Variants in GFM1 observed in about 807,000 individuals in gnomAD.
The protein encoded by GFM1 is elongation factor G, mitochondrial.
Under a neutral mutation model 96.2 loss-of-function variants are expected in GFM1, and 62 were observed. The ratio of observed to expected loss-of-function variants is 0.64; its 90% confidence interval spans 0.53 to 0.80. The LOEUF (loss-of-function observed/expected upper bound fraction) is 0.80, where lower values mean the gene tolerates loss of function less well. Ranked by LOEUF, GFM1 falls within the 30% of genes least tolerant of loss-of-function variation. The pLI is 0.00. For missense variants in GFM1, 852 were observed against 916.6 expected (o/e 0.93, Z 0.91); for synonymous variants, 282 against 312.9 (o/e 0.90, Z 1.04).
intron 15 of GFM1, among the ~76,000 whole-genome samples, chr3:158,689,700 G>C (rs1413931937): frequency 2.0e-5 from 3 of 150,182 alleles, no homozygotes; most frequent in Non-Finnish European, 4.4e-5. Context: ...CTGGGAGACA[G>C]AGTTGCATTG....
chr3:158,646,276 A>G lies in GFM1; in HGVS notation c.346A>G (p.Ile116Val). 1 of 1,614,138 alleles carries G rather than the reference A, an allele frequency of 6.2e-7. No homozygotes were observed. Among genetic ancestry groups the G allele is most frequent in the Non-Finnish European group, 8.5e-7 (1 of 1,179,958 alleles). Reference sequence around the variant, plus strand: ...TTACACCATGTGGAAAGATGTCAATATTAACATTATAGATACTCCTGGTGA... The same window carrying G: ...TTACACCATGTGGAAAGATGTCAATGTTAACATTATAGATACTCCTGGTGA... Reference protein sequence around the residue: ...ATYTMWKDVNINIIDTPGHVD... With the variant: ...ATYTMWKDVNVNIIDTPGHVD... The change falls in exon 3 of 18, where the codon ATT becomes GTT. Residue 116 changes from isoleucine to valine, a missense_variant. Ile to Val is a conservative substitution (Grantham distance 29, BLOSUM62 3). Coordinates refer to ENST00000486715, the MANE Select transcript of GFM1 (RefSeq NM_024996.7).
chr3:158,673,508 C>CTTTTTT (rs766011688), intron 13 of GFM1, among the ~76,000 whole-genome samples: 71 of 114,236 alleles, frequency 6.2e-4, no homozygotes, highest in Middle Eastern at 5.2e-3. Context: ...CTTTTCTTTT[C>CTTTTTT]TTTTTTTTTT....
intron 13 of GFM1, among the ~76,000 whole-genome samples, chr3:158,667,906 CAGAT>C (rs954223389): frequency 1.6e-4 from 25 of 152,154 alleles, no homozygotes; most frequent in Admixed American, 1.3e-4. Context: ...AGGGAAAAAA[CAGAT>C]AGTTTCAGTA....
chr3:158,661,033 A>G lies in GFM1; in HGVS notation c.1323+58A>G, dbSNP rs1019991485. On this transcript the variant is annotated intron_variant, in intron 10 of 17. Coordinates refer to ENST00000486715, the MANE Select transcript of GFM1 (RefSeq NM_024996.7). ...TAGAATTTTAAAAGTCTGTGTTTTT[A>G]TGTAGTGCATTTAATACTTCAGAAA... 7 of 1,358,192 alleles carry G rather than the reference A, an allele frequency of 5.2e-6. No homozygotes were observed. In the Admixed American group the frequency reaches 1.2e-4, roughly 23 times the overall value. The allele number at this position is 1,358,192 out of a possible 1,614,324, so 84.1% of individuals were successfully genotyped here. A position where few individuals can be genotyped will look rare whatever the true frequency, so the allele number is the denominator to read the frequency against.
Position 158,684,556 on chromosome 3 carries a change from T to C in GFM1, c.1797T>C (p.Leu599=). The change falls in exon 15 of 18, where the codon CTT becomes CTC. Residue 599 remains leucine (L), a synonymous_variant. Coordinates refer to ENST00000486715, the MANE Select transcript of GFM1 (RefSeq NM_024996.7). ...TAGATGCCTGCGAGAAGGGCCCTCT[T>C]TCTGGTCACAAGCTCTCTGGGCTCC... is the stretch of plus-strand genomic sequence containing the variant. The part of the protein sequence containing the change: ...GFLDACEKGP[L]SGHKLSGLRF... The C allele has an allele frequency of 6.2e-7, 1 of 1,614,094 alleles. No homozygotes were observed. The highest frequency in any genetic ancestry group is 8.5e-7 in the Non-Finnish European group (1 of 1,179,976).
intron 13 of GFM1, chr3:158,672,640 C>G (rs1399504119): frequency 1.4e-5 from 11 of 808,018 alleles, no homozygotes; most frequent in African/African-American, 3.5e-5. Flanking sequence ...ACTCCGGAAG[C>G]TGCTGTTTGG....
chr3:158,669,691 C>T, intron 13 of GFM1: 1 of 1,351,478 alleles, frequency 7.4e-7, no homozygotes, highest in South Asian at 1.3e-5. Flanking sequence ...TGATTTAAAG[C>T]ATAGGCTCCT....
chr3:158,654,061 A>G (rs1032643449), intron 7 of GFM1, among the ~76,000 whole-genome samples: 2 of 151,942 alleles, frequency 1.3e-5, no homozygotes, highest in South Asian at 4.1e-4. Context: ...GGGTGACAGA[A>G]TAAGATTCCA....
At chr3:158,672,336 C>G (rs188844384) in intron 13 of GFM1, 2 of 1,613,240 alleles carry the variant, frequency 1.2e-6, no homozygotes, top group South Asian at 1.1e-5. Flanking sequence ...TCCACCACCC[C>G]CTGCTAAACT....
chr3:158,672,809 G>A, intron 13 of GFM1: 1 of 278,872 alleles, frequency 3.6e-6, no homozygotes, highest in Non-Finnish European at 7.2e-6. Flanking sequence ...TGGGGAGGGA[G>A]TCAGTGGGCT....
At chr3:158,679,965 T>C (rs1303664463) in intron 13 of GFM1, among the ~76,000 whole-genome samples, 1 of 152,162 alleles carries the variant, frequency 6.6e-6, no homozygotes, top group Non-Finnish European at 1.5e-5. Context: ...AAAGTACACA[T>C]ACCAATTTAG....
rs757522855 is a variant in GFM1, at chr3:158,666,374, C to T, written c.1589C>T (p.Thr530Ile). Reference protein sequence around the residue: ...KPKVAFRETITAPVPFDFTHK... With the variant: ...KPKVAFRETIIAPVPFDFTHK... ...AAAGTTGCCTTTCGAGAGACCATTA[C>T]TGCCCCTGTCCCGTAAGTATGCAAC... Residue 530 changes from threonine (T) to isoleucine (I), a missense_variant, in exon 13 of 18, where the codon ACT becomes ATT. Coordinates refer to ENST00000486715, the MANE Select transcript of GFM1 (RefSeq NM_024996.7). 1 of 1,613,024 alleles carries T rather than the reference C, an allele frequency of 6.2e-7. No individual in the cohort carries two copies. The highest frequency in any genetic ancestry group is 1.1e-5 in the South Asian group (1 of 91,058).
chr3:158,676,656 G>A (rs942072253), intron 13 of GFM1, among the ~76,000 whole-genome samples: 1 of 150,584 alleles, frequency 6.6e-6, no homozygotes, highest in African/African-American at 2.4e-5. Flanking sequence ...GAGGGTTTGT[G>A]ATAACCCCAT....
At chr3:158,669,415 C>G in intron 13 of GFM1, 1 of 1,591,016 alleles carries the variant, frequency 6.3e-7, no homozygotes, top group East Asian at 2.2e-5. Context: ...AAATGGTTTT[C>G]ATGCCATATT....
chr3:158,645,033 G>A (rs905195615), intron 1 of GFM1, among the ~76,000 whole-genome samples: 1 of 146,658 alleles, frequency 6.8e-6, no homozygotes, highest in Non-Finnish European at 1.5e-5. Flanking sequence ...GTGCATTTTG[G>A]ATGTGCAGTC....
At chr3:158,668,968 A>G (rs1723988685) in intron 13 of GFM1, 7 of 1,551,376 alleles carry the variant, frequency 4.5e-6, no homozygotes, top group Admixed American at 1.8e-5. Flanking sequence ...TAACCCCATT[A>G]ATAGTGTATT....
At chr3:158,674,472 C>T (rs1446743978) in intron 13 of GFM1, among the ~76,000 whole-genome samples, 1 of 152,108 alleles carries the variant, frequency 6.6e-6, no homozygotes, top group African/African-American at 2.4e-5. Flanking sequence ...CGAACTTACA[C>T]TGTCTCCTGG....
chr3:158,658,157 C>CTTTTTTTTTTT (rs397842738), intron 8 of GFM1, among the ~76,000 whole-genome samples: 9 of 97,358 alleles, frequency 9.2e-5, no homozygotes, highest in Non-Finnish European at 1.3e-4. Context: ...TCACAGAACT[C>CTTTTTTTTTTT]TTTTTTTTTT....
chr3:158,691,479 G>T lies in GFM1; in HGVS notation c.*12G>T. ...AAGCCAAGAACTAACTTTGCTTACT[G>T]TGAGTTGACTGACTCTAATTGAATC... On this transcript the variant is annotated 3_prime_UTR_variant, in exon 18 of 18. Transcript: ENST00000486715. 6.2e-7 allele frequency: 1 copy of T among 1,612,954 alleles called. No individual in the cohort carries two copies. Among genetic ancestry groups the T allele is most frequent in the Non-Finnish European group, 8.5e-7 (1 of 1,179,450 alleles).
Sources: allele counts gnomAD v4.1 joint callset (sites outside exome capture counted in the v4.1 genomes callset), GRCh38; gene constraint gnomAD v4.1.1; transcripts MANE v1.5; gene names NCBI Gene and HGNC (gene_info 2026-07-23, HGNC 2026-07-21).